PAQR8: variants seen among roughly 807,000 people sequenced by gnomAD.
The protein encoded by PAQR8 is membrane progestin receptor beta.
A neutral mutation model predicts 25.2 loss-of-function variants in PAQR8; 17 were observed. The observed-to-expected ratio is 0.67, with a 90% confidence interval of 0.46 to 1.01. The LOEUF is 1.01. PAQR8 is among the 50% of genes least tolerant of loss of function. The probability of loss-of-function intolerance (pLI) is 0.00; values close to 1 mark genes in which losing one functional copy is unlikely to be tolerated. For missense variants in PAQR8, 392 were observed against 448.4 expected, an observed-to-expected ratio of 0.87 and a Z score of 1.14; for synonymous variants, 204 against 190.6, an observed-to-expected ratio of 1.07 and a Z score of -0.58.
In PAQR8 at chr6:52,403,541, C is replaced by G. The variant is rs754087609; in HGVS notation, c.328C>G (p.Leu110Val). 3 of 1,614,114 alleles carry G rather than the reference C, an allele frequency of 1.9e-6. No individual in the cohort carries two copies. The South Asian group carries it at 3.3e-5, about 18-fold the overall frequency. ...EALPWASTHS[L>V]PLLLFILSSI... ...CTTGCCATGGGCGTCTACCCACTCCCTGCCTCTGCTCCTCTTCATCCTGTC... is the reference window on the plus strand; with the variant it reads ...CTTGCCATGGGCGTCTACCCACTCCGTGCCTCTGCTCCTCTTCATCCTGTC... The change falls in exon 2 of 2, where the codon CTG (leucine) becomes GTG (valine). Residue 110 changes from leucine to valine, a missense_variant. By Grantham distance (32) the Leu-to-Val change is conservative. Transcript: ENST00000442253.
At position 52,407,292 on chromosome 6, in the gene PAQR8, C is replaced by T. The variant is rs1264626513; in HGVS notation, c.*3014C>T. 1 of 166,914 alleles carries T rather than the reference C, an allele frequency of 6.0e-6. No homozygotes were observed. Among genetic ancestry groups the T allele is most frequent in the Non-Finnish European group, 1.5e-5 (1 of 68,084 alleles). The allele number at this position is 166,914 out of a possible 1,614,324, so 10.3% of individuals were successfully genotyped here. On this transcript the variant is annotated 3_prime_UTR_variant, in exon 2 of 2. Coordinates refer to ENST00000442253, the MANE Select transcript of PAQR8 (RefSeq NM_133367.5). The stretch of plus-strand genomic sequence containing the variant: ...AGATGGCAGGACACAGCAAACAGGA[C>T]ACATTTGCCTGCTTCTCTCTTGCCT...
intron 1 of PAQR8, among the ~76,000 whole-genome samples, chr6:52,393,231 A>G (rs977773083): frequency 6.6e-6 from 1 of 151,978 alleles, no homozygotes; most frequent in African/African-American, 2.4e-5. Context: ...TATTGTTGGG[A>G]AGTTTAAATA....
intron 1 of PAQR8, among the ~76,000 whole-genome samples, chr6:52,394,337 T>C (rs981317008): frequency 6.6e-6 from 1 of 152,248 alleles, no homozygotes; most frequent in Non-Finnish European, 1.5e-5. Context: ...AAACGTGTCA[T>C]TTCATTGTTT....
At chr6:52,380,401 A>G (rs1475074132) in intron 1 of PAQR8, among the ~76,000 whole-genome samples, 1 of 152,222 alleles carries the variant, frequency 6.6e-6, no homozygotes, top group African/African-American at 2.4e-5. Context: ...GGACATTTCA[A>G]CTCATTTGGA....
chr6:52,366,267 G>A (rs1421573740), intron 1 of PAQR8, among the ~76,000 whole-genome samples: 1 of 152,138 alleles, frequency 6.6e-6, no homozygotes, highest in Non-Finnish European at 1.5e-5. Context: ...TTCATGAAAT[G>A]TTGACCATTT....
intron 1 of PAQR8, among the ~76,000 whole-genome samples, chr6:52,373,175 G>C (rs1024467063): frequency 5.9e-5 from 9 of 152,162 alleles, no homozygotes; most frequent in Admixed American, 2.0e-4. Flanking sequence ...TGCAAATTGG[G>C]TTCATTTAGG....
Position 52,406,571 on chromosome 6 carries a change from C to T in PAQR8, c.*2293C>T. The T allele has an allele frequency of 2.4e-6, 1 of 413,004 alleles. No homozygotes were observed. Among genetic ancestry groups the T allele is most frequent in the Non-Finnish European group, 4.4e-6 (1 of 226,028 alleles). The allele number at this position is 413,004 out of a possible 1,614,324, so 25.6% of individuals were successfully genotyped here. On this transcript the variant is annotated 3_prime_UTR_variant, in exon 2 of 2. Transcript: ENST00000442253. ...AGTGGTTGGAAATTTTTTTTTTAAT[C>T]TCTTTTTCTGAGACAGGGTCTTACT...
chr6:52,375,613 A>G (rs1763476073), intron 1 of PAQR8, among the ~76,000 whole-genome samples: 1 of 152,138 alleles, frequency 6.6e-6, no homozygotes, highest in Non-Finnish European at 1.5e-5. Flanking sequence ...CCTGGGCTCA[A>G]GTGATCCTCC....
chr6:52,395,659 C>T (rs757609616), intron 1 of PAQR8, among the ~76,000 whole-genome samples: 10 of 152,150 alleles, frequency 6.6e-5, no homozygotes, highest in African/African-American at 9.7e-5. Context: ...GTAGAAAATA[C>T]GTGTGGATAG....
chr6:52,377,741 A>C (rs1158713646), intron 1 of PAQR8, among the ~76,000 whole-genome samples: 1 of 121,166 alleles, frequency 8.3e-6, no homozygotes, highest in Non-Finnish European at 1.8e-5. Flanking sequence ...AGCAAAACTT[A>C]AAGGGGAAAC....
intron 1 of PAQR8, among the ~76,000 whole-genome samples, chr6:52,378,177 A>G (rs1667420474): frequency 6.6e-6 from 1 of 152,232 alleles, no homozygotes; most frequent in Admixed American, 6.5e-5. Flanking sequence ...TGACCTTAGA[A>G]CCATGTGTAG....
rs1239878187 is a variant in PAQR8, at chr6:52,362,466, T to A, written c.-53+217T>A. On this transcript the variant is annotated intron_variant, in intron 1 of 1. Transcript: ENST00000442253. This position sits in a 1 kb window ranked among gnomAD's most constrained non-coding sequence, Gnocchi z 4.1. ...AGGGCCCCGATGTTGAGTCTCCGAA[T>A]CCAAGCCCGGAAGGGGGGACGACGG... 1 of 152,628 alleles carries A rather than the reference T, an allele frequency of 6.6e-6. No homozygotes were observed. Among genetic ancestry groups the A allele is most frequent in the Non-Finnish European group, 1.5e-5 (1 of 68,444 alleles). The allele number at this position is 152,628 out of a possible 1,614,324, so 9.5% of individuals were successfully genotyped here. A position where few individuals can be genotyped will look rare whatever the true frequency, so the allele number is the denominator to read the frequency against.
intron 1 of PAQR8, among the ~76,000 whole-genome samples, chr6:52,369,666 A>C (rs556513447): frequency 6.6e-6 from 1 of 152,350 alleles, no homozygotes; most frequent in African/African-American, 2.4e-5. Context: ...TGTTGGTGAA[A>C]ACTATAAAGA....
At chr6:52,383,977 T>C (rs1763598525) in intron 1 of PAQR8, among the ~76,000 whole-genome samples, 1 of 152,154 alleles carries the variant, frequency 6.6e-6, no homozygotes, top group African/African-American at 2.4e-5. Flanking sequence ...GTTATCACCA[T>C]TAGTGTAACT....
chr6:52,373,968 T>G (rs918859169), intron 1 of PAQR8, among the ~76,000 whole-genome samples: 5 of 152,128 alleles, frequency 3.3e-5, no homozygotes, highest in African/African-American at 1.2e-4. Flanking sequence ...CTTCACATCA[T>G]CCCCATTGAA....
intron 1 of PAQR8, among the ~76,000 whole-genome samples, chr6:52,380,414 A>G (rs1024190989): frequency 6.6e-6 from 1 of 152,240 alleles, no homozygotes; most frequent in African/African-American, 2.4e-5. Context: ...CATTTGGAAA[A>G]ACAATCCAGG....
intron 1 of PAQR8, among the ~76,000 whole-genome samples, chr6:52,366,710 A>G (rs912513008): frequency 2.0e-5 from 3 of 152,030 alleles, no homozygotes; most frequent in African/African-American, 7.2e-5. Context: ...GTACTTGTAA[A>G]GGACCAGGAA....
chr6:52,377,280 T>C (rs142561860), intron 1 of PAQR8, among the ~76,000 whole-genome samples: 1 of 152,312 alleles, frequency 6.6e-6, no homozygotes, highest in East Asian at 1.9e-4. Flanking sequence ...AGTTGGCCTT[T>C]ATTATTATTT....
chr6:52,392,013 A>G (rs563790038), intron 1 of PAQR8, among the ~76,000 whole-genome samples: 2 of 152,316 alleles, frequency 1.3e-5, no homozygotes, highest in South Asian at 4.1e-4. Flanking sequence ...ATTAGAGCTT[A>G]TATAGATTAC....
Sources: allele counts gnomAD v4.1 joint callset (sites outside exome capture counted in the v4.1 genomes callset), GRCh38; gene constraint gnomAD v4.1.1; non-coding constraint Gnocchi (gnomAD v3.1); transcripts MANE v1.5; gene names NCBI Gene and HGNC (gene_info 2026-07-23, HGNC 2026-07-21).